AGBL1: variants seen among roughly 807,000 people sequenced by gnomAD.
AGBL1 encodes the protein AGBL carboxypeptidase 1.
AGBL1 carries 130 observed loss-of-function variants against 118.9 expected under a neutral mutation model. The ratio of observed to expected loss-of-function variants is 1.09; its 90% CI spans 0.95 to 1.26. AGBL1 has a LOEUF of 1.26. Ranked by LOEUF, AGBL1 falls within the 50% of genes most tolerant of loss-of-function variation. The probability of loss-of-function intolerance (pLI) is 0.00; values close to 1 mark genes in which losing one functional copy is unlikely to be tolerated. For synonymous variants in AGBL1, 555 were observed against 478.9 expected (o/e 1.16, Z -2.08); for missense variants, 1,584 against 1,298.1 (o/e 1.22, Z -3.38).
chr15:86,659,190 T>A (rs2085503436), intron 21 of AGBL1, among the ~76,000 whole-genome samples: 1 of 152,210 alleles, frequency 6.6e-6, no homozygotes, highest in South Asian at 2.1e-4. Context: ...GTTCCATGTT[T>A]CACTTCATCT....
At chr15:86,766,689 GC>G (rs2078101613) in intron 22 of AGBL1, among the ~76,000 whole-genome samples, 3 of 151,816 alleles carry the variant, frequency 2.0e-5, no homozygotes, top group African/African-American at 7.3e-5. Context: ...TCAACTAAAT[GC>G]TGGATTATGG....
At chr15:86,333,133 A>G (rs1223462267) in intron 17 of AGBL1, among the ~76,000 whole-genome samples, 1 of 152,192 alleles carries the variant, frequency 6.6e-6, no homozygotes, top group Non-Finnish European at 1.5e-5. Context: ...TAGAGGAACT[A>G]GAAAAACAAG....
chr15:86,478,002 T>A (rs898134899), intron 18 of AGBL1, among the ~76,000 whole-genome samples: 1 of 152,156 alleles, frequency 6.6e-6, no homozygotes, highest in African/African-American at 2.4e-5. Flanking sequence ...TCTCAATAGA[T>A]GCAAAAAGGC....
intron 22 of AGBL1, among the ~76,000 whole-genome samples, chr15:86,851,501 A>G (rs1388255606): frequency 1.3e-5 from 2 of 152,204 alleles, no homozygotes; most frequent in Non-Finnish European, 2.9e-5. Flanking sequence ...GATATATATC[A>G]AACCCATTCA....
At chr15:86,290,936 C>T (rs991022535) in intron 16 of AGBL1, among the ~76,000 whole-genome samples, 3 of 151,698 alleles carry the variant, frequency 2.0e-5, no homozygotes, top group South Asian at 2.1e-4. Flanking sequence ...TGAGAATATG[C>T]GGTGTTTGGT....
intron 22 of AGBL1, among the ~76,000 whole-genome samples, chr15:86,766,479 A>G (rs191756713): frequency 8.5e-5 from 13 of 152,080 alleles, no homozygotes; most frequent in Admixed American, 1.3e-4. Context: ...CTCATTGATA[A>G]TGAAATTATT....
chr15:86,554,654 G>T, intron 21 of AGBL1, 117 bp downstream of exon 21: 1 of 1,095,648 alleles, frequency 9.1e-7, no homozygotes. Flanking sequence ...GTAGAGTTTG[G>T]TCCTCCCTTG....
At chr15:86,691,447 T>G (rs984000847) in intron 22 of AGBL1, among the ~76,000 whole-genome samples, 2 of 152,130 alleles carry the variant, frequency 1.3e-5, no homozygotes, top group Non-Finnish European at 2.9e-5. Flanking sequence ...GATACTTTGT[T>G]TCTCTGCATT....
intron 22 of AGBL1, among the ~76,000 whole-genome samples, chr15:86,700,888 A>G (rs577371624): frequency 3.3e-5 from 5 of 152,214 alleles, no homozygotes; most frequent in African/African-American, 1.2e-4. Context: ...CCTGGTGTTC[A>G]TGTGGTCTCC....
intron 5 of AGBL1, among the ~76,000 whole-genome samples, chr15:86,200,673 A>G (rs978669896): frequency 3.3e-5 from 5 of 149,796 alleles, no homozygotes; most frequent in African/African-American, 1.2e-4. Context: ...CTGGAGTGCA[A>G]TGGCGCGATC....
intron 22 of AGBL1, among the ~76,000 whole-genome samples, chr15:86,825,348 A>G (rs1011429152): frequency 6.5e-5 from 8 of 123,422 alleles, no homozygotes; most frequent in Admixed American, 6.2e-4. Context: ...TTTTTTGTAA[A>G]AGACTCAAAA....
intron 5 of AGBL1, among the ~76,000 whole-genome samples, chr15:86,181,252 G>A (rs991411093): frequency 3.9e-5 from 6 of 151,988 alleles, no homozygotes; most frequent in African/African-American, 7.2e-5. Context: ...TGTAATAGCC[G>A]AAAGCTGGAA....
chr15:86,445,579 C>T (rs941913486), intron 18 of AGBL1, among the ~76,000 whole-genome samples: 1 of 152,206 alleles, frequency 6.6e-6, no homozygotes, highest in Non-Finnish European at 1.5e-5. Context: ...AAACAAGTGC[C>T]TGCTAGCGAG....
At chr15:86,625,327 T>A (rs2084866799) in intron 21 of AGBL1, among the ~76,000 whole-genome samples, 1 of 149,778 alleles carries the variant, frequency 6.7e-6, no homozygotes. Flanking sequence ...CTTTCTCTTT[T>A]TTTGGCTCTG....
chr15:86,714,621 C>A (rs1248626671), intron 22 of AGBL1, among the ~76,000 whole-genome samples: 1 of 152,178 alleles, frequency 6.6e-6, no homozygotes, highest in Non-Finnish European at 1.5e-5. Context: ...GCCAGCATAA[C>A]CTTTCAGAGC....
At chr15:86,091,178 T>G (rs1292566665) in intron 1 of AGBL1, among the ~76,000 whole-genome samples, 3 of 152,148 alleles carry the variant, frequency 2.0e-5, no homozygotes, top group Admixed American at 6.5e-5. Context: ...CTTTGGCATA[T>G]TATTATTTTC....
At chr15:86,884,722 G>A (rs993422953) in intron 22 of AGBL1, among the ~76,000 whole-genome samples, 1 of 152,200 alleles carries the variant, frequency 6.6e-6, no homozygotes, top group Non-Finnish European at 1.5e-5. Context: ...TGACGTGGGA[G>A]AACCGCTTGA....
At chr15:86,487,568 CT>C (rs35027012) in intron 18 of AGBL1, among the ~76,000 whole-genome samples, 85,573 of 148,318 alleles carry the variant, frequency 0.58, 26,148 homozygotes, top group African/African-American at 0.81. Flanking sequence ...GGCCCCCTGA[CT>C]TTTTTTTTTT....
Position 86,149,211 on chromosome 15 carries a change from T to G in AGBL1, c.263-5219T>G, listed in dbSNP as rs2077073281. 2.0e-5 allele frequency among the ~76,000 whole-genome samples: 3 copies of G among 152,170 alleles called. No individual in the cohort carries two copies. The South Asian group carries it at 6.2e-4, about 31-fold the overall frequency. On this transcript the variant is annotated intron_variant, in intron 3 of 22. Coordinates refer to ENST00000614907, the MANE Select transcript of AGBL1 (RefSeq NM_001386094.1). ...AAGACCGTTGATGCTAGGAAGAAACTGCATCAATTAACGGGCAAAATAACC... is the reference window on the plus strand; with the variant it reads ...AAGACCGTTGATGCTAGGAAGAAACGGCATCAATTAACGGGCAAAATAACC...
Sources: allele counts gnomAD v4.1 joint callset (sites outside exome capture counted in the v4.1 genomes callset), GRCh38; gene constraint gnomAD v4.1.1; transcripts MANE v1.5; gene names NCBI Gene and HGNC (gene_info 2026-07-23, HGNC 2026-07-21).